ADAMTSL1: variants seen among roughly 807,000 people sequenced by gnomAD.
ADAMTSL1 encodes ADAMTS-like protein 1.
In ADAMTSL1, 126 loss-of-function variants were observed where a neutral mutation model predicts 201.8. The observed-to-expected ratio is 0.62, with a 90% confidence interval of 0.54 to 0.72. The LOEUF (loss-of-function observed/expected upper bound fraction) is 0.72. Among genes scored for constraint, ADAMTSL1 ranks in the 30% least tolerant of loss-of-function variants. The pLI is 0.00. For synonymous variants in ADAMTSL1, 1,121 were observed against 903.4 expected, an observed-to-expected ratio of 1.24 and a Z score of -4.32; for missense variants, 2,679 against 2,277.8, an observed-to-expected ratio of 1.18 and a Z score of -3.59.
intron 1 of ADAMTSL1, among the ~76,000 whole-genome samples, chr9:17,996,370 G>A (rs567790371): frequency 1.4e-4 from 21 of 152,102 alleles, no homozygotes; most frequent in African/African-American, 4.8e-4. Context: ...AGATGGGTTT[G>A]GGGATAGCAG....
intron 2 of ADAMTSL1, among the ~76,000 whole-genome samples, chr9:18,336,074 C>T (rs1019948265): frequency 6.6e-6 from 1 of 152,072 alleles, no homozygotes; most frequent in Non-Finnish European, 1.5e-5. Context: ...TTGCACATAG[C>T]ATAAACTGGA....
intron 1 of ADAMTSL1, among the ~76,000 whole-genome samples, chr9:18,124,359 G>A (rs772347273): frequency 2.0e-5 from 3 of 152,068 alleles, no homozygotes; most frequent in Non-Finnish European, 4.4e-5. Context: ...AGGATTACAG[G>A]TGTGCGCCAC....
intron 2 of ADAMTSL1, among the ~76,000 whole-genome samples, chr9:18,365,823 C>G (rs945594789): frequency 4.6e-5 from 7 of 152,200 alleles, no homozygotes; most frequent in African/African-American, 1.4e-4. Context: ...GCCAGAATTA[C>G]TGCCTGAGTT....
At chr9:18,901,145 A>AT (rs34531044) in intron 26 of ADAMTSL1, among the ~76,000 whole-genome samples, 16,636 of 147,154 alleles carry the variant, frequency 0.11, 1,054 homozygotes, top group East Asian at 0.2. Flanking sequence ...CTTTTTCTTT[A>AT]TTTAAAAAAA....
chr9:18,540,198 C>T (rs1018988280), intron 3 of ADAMTSL1, among the ~76,000 whole-genome samples: 3 of 152,156 alleles, frequency 2.0e-5, no homozygotes, highest in African/African-American at 7.2e-5. Flanking sequence ...TTTCTAGGCA[C>T]TGGCGTATAA....
intron 2 of ADAMTSL1, among the ~76,000 whole-genome samples, chr9:18,310,501 C>T (rs914256962): frequency 2.1e-5 from 3 of 145,266 alleles, no homozygotes; most frequent in Non-Finnish European, 3.0e-5. Context: ...GGAACTTAAA[C>T]AAATTTACAA....
intron 1 of ADAMTSL1, among the ~76,000 whole-genome samples, chr9:17,913,836 G>T (rs1451129071): frequency 6.6e-6 from 1 of 151,972 alleles, no homozygotes; most frequent in African/African-American, 2.4e-5. Context: ...TGATAATGGG[G>T]ATATCACCAC....
intron 1 of ADAMTSL1, among the ~76,000 whole-genome samples, chr9:17,975,781 C>CA (rs1363257438): frequency 1.3e-5 from 2 of 151,946 alleles, no homozygotes; most frequent in Non-Finnish European, 2.9e-5. Flanking sequence ...GGTATTGTTA[C>CA]AAAAAATCAT....
At chr9:18,849,113 A>G (rs1224895788) in intron 23 of ADAMTSL1, among the ~76,000 whole-genome samples, 2 of 152,194 alleles carry the variant, frequency 1.3e-5, no homozygotes, top group Admixed American at 1.3e-4. Context: ...TATTGGACAT[A>G]TTTCTTACGT....
At chr9:18,276,762 T>C (rs1299101073) in intron 2 of ADAMTSL1, among the ~76,000 whole-genome samples, 1 of 152,108 alleles carries the variant, frequency 6.6e-6, no homozygotes, top group Non-Finnish European at 1.5e-5. Flanking sequence ...AACAGCCAGA[T>C]CTGGCATGAA....
intron 2 of ADAMTSL1, among the ~76,000 whole-genome samples, chr9:18,324,266 A>G (rs1275132344): frequency 2.0e-5 from 3 of 152,218 alleles, no homozygotes; most frequent in Non-Finnish European, 4.4e-5. Flanking sequence ...TATGGGAAAA[A>G]TGAACATTGA....
intron 2 of ADAMTSL1, among the ~76,000 whole-genome samples, chr9:18,281,967 A>T (rs896804967): frequency 6.6e-5 from 10 of 152,100 alleles, no homozygotes; most frequent in East Asian, 1.9e-4. Flanking sequence ...TTTTTAATTT[A>T]ATTTTATTTT....
intron 25 of ADAMTSL1, among the ~76,000 whole-genome samples, chr9:18,891,007 C>T (rs1028419230): frequency 7.9e-5 from 12 of 152,192 alleles, no homozygotes; most frequent in Admixed American, 7.9e-4. Context: ...TGCCTGCTTC[C>T]TAAGTGGCTC....
chr9:17,937,296 T>C (rs1347190249), intron 1 of ADAMTSL1, among the ~76,000 whole-genome samples: 3 of 152,078 alleles, frequency 2.0e-5, no homozygotes, highest in Non-Finnish European at 4.4e-5. Flanking sequence ...GGAGGCTTTA[T>C]CTGCATTTTT....
chr9:18,167,482 A>G (rs959406344), intron 2 of ADAMTSL1, among the ~76,000 whole-genome samples: 1 of 151,962 alleles, frequency 6.6e-6, no homozygotes, highest in Non-Finnish European at 1.5e-5. Context: ...GTGTGTAAAG[A>G]GTTTGTTTTT....
intron 19 of ADAMTSL1, among the ~76,000 whole-genome samples, chr9:18,789,006 C>T (rs966915664): frequency 5.3e-5 from 8 of 152,128 alleles, no homozygotes; most frequent in Non-Finnish European, 1.0e-4. Context: ...CAACGTGCTA[C>T]GTGGCCTCAC....
intron 3 of ADAMTSL1, among the ~76,000 whole-genome samples, chr9:18,550,696 G>A (rs1279451196): frequency 6.6e-6 from 1 of 151,968 alleles, no homozygotes; most frequent in East Asian, 1.9e-4. Flanking sequence ...TTATCTGGGT[G>A]TCTGTACACA....
At chr9:18,076,751 A>C (rs1586993164) in intron 1 of ADAMTSL1, among the ~76,000 whole-genome samples, 1 of 152,178 alleles carries the variant, frequency 6.6e-6, no homozygotes, top group East Asian at 1.9e-4. Context: ...ACATCGAGGG[A>C]CTTATATGTG....
chr9:18,099,055 T>C (rs1824374072), intron 1 of ADAMTSL1, among the ~76,000 whole-genome samples: 1 of 151,694 alleles, frequency 6.6e-6, no homozygotes, highest in South Asian at 2.1e-4. Context: ...TATTTCATCC[T>C]ATCTAGAAGA....
Sources: allele counts gnomAD v4.1 joint callset (sites outside exome capture counted in the v4.1 genomes callset), GRCh38; gene constraint gnomAD v4.1.1; transcripts MANE v1.5; gene names NCBI Gene and HGNC (gene_info 2026-07-23, HGNC 2026-07-21).